Variants in ARHGAP24 observed in about 807,000 individuals in gnomAD.
ARHGAP24 encodes the protein Rho GTPase activating protein 24.
In ARHGAP24, 50 loss-of-function variants were observed where a neutral mutation model predicts 76.4. That is an observed-to-expected ratio of 0.65 (90% CI 0.52 to 0.83). The LOEUF is 0.83. Ranked by LOEUF, ARHGAP24 falls within the 40% of genes least tolerant of loss-of-function variation. ARHGAP24 has a pLI of 0.00. For missense variants in ARHGAP24, 930 were observed against 914.2 expected (o/e 1.02, Z -0.22); for synonymous variants, 345 against 323.3 (o/e 1.07, Z -0.72).
intron 3 of ARHGAP24, among the ~76,000 whole-genome samples, chr4:85,760,931 C>G (rs1365388627): frequency 6.6e-6 from 1 of 152,152 alleles, no homozygotes; most frequent in Admixed American, 6.5e-5. Context: ...AAAAATATTT[C>G]TTAACTACCT....
At chr4:85,791,218 G>A (rs971241340) in intron 3 of ARHGAP24, among the ~76,000 whole-genome samples, 2 of 152,124 alleles carry the variant, frequency 1.3e-5, no homozygotes, top group African/African-American at 4.8e-5. Context: ...TCCATATTGT[G>A]GGCATCTGCA....
intron 3 of ARHGAP24, among the ~76,000 whole-genome samples, chr4:85,919,222 T>G (rs1735584618): frequency 6.6e-6 from 1 of 152,244 alleles, no homozygotes. Flanking sequence ...ACGAAGAAAG[T>G]GAATCTTGAG....
At chr4:85,827,461 CGTGTGTGTGTGTGTGTGTGTGTGT>C (rs56379272) in intron 3 of ARHGAP24, among the ~76,000 whole-genome samples, 14 of 108,712 alleles carry the variant, frequency 1.3e-4, no homozygotes, top group South Asian at 3.7e-4. Context: ...GAAGTCTGCC[CGTGTGTGTGTGTGTGTGTGTGTGT>C]GTGTGTGTGT....
At chr4:85,930,596 C>A (rs1448833625) in intron 4 of ARHGAP24, 1 of 1,045,010 alleles carries the variant, frequency 9.6e-7, no homozygotes, top group African/African-American at 1.7e-5. Context: ...AAAACCAATT[C>A]CTGCTGTTTG....
intron 3 of ARHGAP24, among the ~76,000 whole-genome samples, chr4:85,730,028 C>T (rs1171151160): frequency 6.6e-6 from 1 of 152,144 alleles, no homozygotes; most frequent in African/African-American, 2.4e-5. Context: ...ATGGCATTAT[C>T]CATTGCCTCA....
chr4:85,696,745 C>G (rs1723880392), intron 2 of ARHGAP24, among the ~76,000 whole-genome samples: 2 of 152,188 alleles, frequency 1.3e-5, no homozygotes, highest in Admixed American at 6.5e-5. Flanking sequence ...AAGTACCCAA[C>G]AAATCATGTT....
intron 3 of ARHGAP24, among the ~76,000 whole-genome samples, chr4:85,737,522 A>G (rs577598218): frequency 6.6e-6 from 1 of 152,348 alleles, no homozygotes; most frequent in Non-Finnish European, 1.5e-5. Context: ...GCCAAGCACA[A>G]TGGCTCAGTA....
At chr4:85,475,770 T>G (rs1722569976) in intron 1 of ARHGAP24, among the ~76,000 whole-genome samples, 1 of 148,526 alleles carries the variant, frequency 6.7e-6, no homozygotes, top group Non-Finnish European at 1.5e-5. Context: ...TGATGTAGCC[T>G]GTCTGTGTTT....
chr4:85,834,067 T>C (rs974236730), intron 3 of ARHGAP24, among the ~76,000 whole-genome samples: 1 of 152,162 alleles, frequency 6.6e-6, no homozygotes, highest in African/African-American at 2.4e-5. Context: ...GTAGAAGAAA[T>C]AATCAAAAAG....
At chr4:85,513,931 T>C (rs1198854903) in intron 1 of ARHGAP24, among the ~76,000 whole-genome samples, 1 of 152,184 alleles carries the variant, frequency 6.6e-6, no homozygotes, top group Non-Finnish European at 1.5e-5. Flanking sequence ...ACGACTGTCA[T>C]GACAGGGGTC....
intron 3 of ARHGAP24, among the ~76,000 whole-genome samples, chr4:85,866,854 C>A (rs770036000): frequency 7.2e-5 from 11 of 152,128 alleles, no homozygotes; most frequent in Non-Finnish European, 2.9e-5. Flanking sequence ...GAAATCAATT[C>A]TAGTTGGCTG....
chr4:85,971,470 T>C (rs1738980116), intron 5 of ARHGAP24, among the ~76,000 whole-genome samples: 1 of 152,162 alleles, frequency 6.6e-6, no homozygotes, highest in Non-Finnish European at 1.5e-5. Flanking sequence ...GAGGGTTCTT[T>C]AATTTTTTTT....
intron 9 of ARHGAP24, among the ~76,000 whole-genome samples, chr4:85,997,367 TAGATATAGATAG>T (rs1201276062): frequency 1.0e-5 from 1 of 99,282 alleles, no homozygotes. Context: ...AGATAGATGA[TAGATATAGATAG>T]ATAGATAGAT....
intron 1 of ARHGAP24, among the ~76,000 whole-genome samples, chr4:85,528,815 T>C (rs998978668): frequency 6.6e-6 from 1 of 152,118 alleles, no homozygotes; most frequent in Admixed American, 6.6e-5. Context: ...ACTACTTGTT[T>C]CTGTTGATTA....
At chr4:85,923,125 G>A (rs539307793) in intron 3 of ARHGAP24, among the ~76,000 whole-genome samples, 31 of 152,100 alleles carry the variant, frequency 2.0e-4, no homozygotes, top group African/African-American at 7.0e-4. Context: ...CAGAACAGAG[G>A]CATAGAGAAG....
intron 3 of ARHGAP24, among the ~76,000 whole-genome samples, chr4:85,722,784 T>A (rs1023129361): frequency 4.6e-5 from 7 of 152,340 alleles, no homozygotes; most frequent in African/African-American, 1.4e-4. Flanking sequence ...TGATATTGAT[T>A]TGATCACAGT....
At chr4:85,854,135 CAAAAAAAAAA>C (rs35799327) in intron 3 of ARHGAP24, among the ~76,000 whole-genome samples, 4,238 of 85,712 alleles carry the variant, frequency 0.049, 251 homozygotes, top group African/African-American at 0.16. Flanking sequence ...GACTCTGTCT[CAAAAAAAAAA>C]AAAAAAAAAA....
intron 3 of ARHGAP24, among the ~76,000 whole-genome samples, chr4:85,905,127 G>T (rs1434949289): frequency 6.6e-6 from 1 of 152,018 alleles, no homozygotes; most frequent in African/African-American, 2.4e-5. Context: ...AGAGCAGTCT[G>T]GATATAGGGG....
intron 3 of ARHGAP24, among the ~76,000 whole-genome samples, chr4:85,824,958 C>T (rs983421552): frequency 2.6e-5 from 4 of 152,062 alleles, no homozygotes; most frequent in African/African-American, 9.7e-5. Flanking sequence ...GGTGTGATGG[C>T]ATGTGCCTGT....
Sources: allele counts gnomAD v4.1 joint callset (sites outside exome capture counted in the v4.1 genomes callset), GRCh38; gene constraint gnomAD v4.1.1; transcripts MANE v1.5; gene names NCBI Gene and HGNC (gene_info 2026-07-23, HGNC 2026-07-21).